CTNNA3: variants seen among roughly 807,000 people sequenced by gnomAD.
The protein encoded by CTNNA3 is catenin alpha-3.
Under a neutral mutation model 95.7 loss-of-function variants are expected in CTNNA3, and 76 were observed. The ratio of observed to expected loss-of-function variants is 0.79; its 90% CI spans 0.66 to 0.96. The LOEUF (loss-of-function observed/expected upper bound fraction) is 0.96. Ranked by LOEUF, CTNNA3 falls within the 40% of genes least tolerant of loss-of-function variation. The pLI is 0.00. For synonymous variants in CTNNA3, 431 were observed against 374.4 expected, an observed-to-expected ratio of 1.15 and a Z score of -1.74; for missense variants, 1,191 against 1,089.8, an observed-to-expected ratio of 1.09 and a Z score of -1.31.
At chr10:66,293,957 G>A (rs1431704295) in intron 12 of CTNNA3, among the ~76,000 whole-genome samples, 1 of 151,944 alleles carries the variant, frequency 6.6e-6, no homozygotes, top group Non-Finnish European at 1.5e-5. Context: ...TAGCCACCGT[G>A]CCCGGTCATC....
Position 67,010,444 on chromosome 10 carries a change from T to C in CTNNA3, c.1047+169873A>G, listed in dbSNP as rs117925055. On this transcript the variant is annotated intron_variant, in intron 7 of 17. Transcript: ENST00000433211. ...GTCACCTAATGTTGGATTGCTGACTTAATGATGCCTAATATCTCTCCAATT... is the reference window on the plus strand; with the variant it reads ...GTCACCTAATGTTGGATTGCTGACTCAATGATGCCTAATATCTCTCCAATT... Among the ~76,000 whole-genome samples, 10 of 152,366 alleles carry C rather than the reference T, an allele frequency of 6.6e-5. No homozygotes were observed. The East Asian group carries it at 1.9e-3, about 29-fold the overall frequency.
intron 9 of CTNNA3, among the ~76,000 whole-genome samples, chr10:66,722,841 A>T (rs1291544755): frequency 6.6e-6 from 1 of 152,030 alleles, no homozygotes; most frequent in African/African-American, 2.4e-5. Flanking sequence ...GGGCGGGGGA[A>T]GTGTGGCTCT....
At position 66,461,398 on chromosome 10, in the gene CTNNA3, G is replaced by A. The variant is rs148221187; in HGVS notation, c.1531+59219C>T. Among the ~76,000 whole-genome samples, 95 of 152,186 alleles carry A rather than the reference G, an allele frequency of 6.2e-4. 1 individual carries two copies. Among genetic ancestry groups the A allele is most frequent in the African/African-American group, 2.1e-3 (86 of 41,540 alleles). ...TTTTAAAACAGTTCATTTATTCATA[G>A]CTATTATAAATTGCATAATAAAAAG... On this transcript the variant is annotated intron_variant, in intron 11 of 17. Coordinates refer to ENST00000433211, the MANE Select transcript of CTNNA3 (RefSeq NM_013266.4).
At chr10:66,082,516 T>G (rs2080804526) in intron 14 of CTNNA3, among the ~76,000 whole-genome samples, 1 of 152,122 alleles carries the variant, frequency 6.6e-6, no homozygotes, top group Non-Finnish European at 1.5e-5. Context: ...TGTTGAATCC[T>G]AGAACAGAAA....
At chr10:66,463,889 T>TTTA (rs1185372979) in intron 11 of CTNNA3, among the ~76,000 whole-genome samples, 1 of 151,110 alleles carries the variant, frequency 6.6e-6, no homozygotes, top group Non-Finnish European at 1.5e-5. Context: ...CTTTCCAATT[T>TTTA]TTTTTTTTTT....
chr10:66,736,225 G>A (rs1198235926), intron 9 of CTNNA3, among the ~76,000 whole-genome samples: 5 of 151,596 alleles, frequency 3.3e-5, no homozygotes, highest in African/African-American at 1.2e-4. Context: ...TCGCCCTGTC[G>A]CCCAGGCTGG....
chr10:66,381,114 G>A (rs1168528750), intron 11 of CTNNA3, among the ~76,000 whole-genome samples: 1 of 152,278 alleles, frequency 6.6e-6, no homozygotes, highest in East Asian at 1.9e-4. Context: ...TATGGTCCCT[G>A]TTAACCTTCT....
chr10:66,874,041 C>T (rs1844516412), intron 7 of CTNNA3, among the ~76,000 whole-genome samples: 3 of 152,000 alleles, frequency 2.0e-5, no homozygotes, highest in Non-Finnish European at 2.9e-5. Flanking sequence ...CAGTGAGGGA[C>T]GTTTGGGTGG....
chr10:66,001,320 C>T (rs1387527258), intron 15 of CTNNA3, among the ~76,000 whole-genome samples: 2 of 152,086 alleles, frequency 1.3e-5, no homozygotes, highest in South Asian at 4.1e-4. Flanking sequence ...CTCAGCCATT[C>T]CATGTGCCAT....
At chr10:67,070,380 T>C (rs536460228) in intron 7 of CTNNA3, among the ~76,000 whole-genome samples, 4 of 152,336 alleles carry the variant, frequency 2.6e-5, no homozygotes, top group African/African-American at 9.6e-5. Flanking sequence ...TATGTTTTGA[T>C]GAACAAAAGT....
At chr10:65,997,570 G>T (rs898420719) in intron 15 of CTNNA3, among the ~76,000 whole-genome samples, 3 of 152,118 alleles carry the variant, frequency 2.0e-5, no homozygotes, top group South Asian at 4.1e-4. Context: ...GAGAAAGAAA[G>T]AAATTGTCCT....
At chr10:67,391,683 C>G (rs1464091873) in intron 5 of CTNNA3, among the ~76,000 whole-genome samples, 2 of 149,470 alleles carry the variant, frequency 1.3e-5, no homozygotes, top group Non-Finnish European at 3.0e-5. Context: ...ACCAAAACAG[C>G]ATGGTACTGG....
chr10:67,150,707 T>G (rs1196088584), intron 7 of CTNNA3, among the ~76,000 whole-genome samples: 1 of 152,136 alleles, frequency 6.6e-6, no homozygotes, highest in Non-Finnish European at 1.5e-5. Context: ...CTTGTGAGAG[T>G]TTACTAGCCC....
chr10:67,325,733 T>C (rs1388440376), intron 5 of CTNNA3, among the ~76,000 whole-genome samples: 1 of 152,086 alleles, frequency 6.6e-6, no homozygotes, highest in Non-Finnish European at 1.5e-5. Context: ...GAGTTCTGTA[T>C]ATATTTAGCA....
In CTNNA3 at chr10:66,865,672, A is replaced by G. The variant is rs546493433; in HGVS notation, c.1048-90148T>C. On this transcript the variant is annotated intron_variant, in intron 7 of 17. Coordinates refer to ENST00000433211, the MANE Select transcript of CTNNA3 (RefSeq NM_013266.4). The stretch of plus-strand genomic sequence containing the variant: ...AAAATCACAGAAGATGTATTCACAC[A>G]AGATATTTCCTTTTTCATTTTCAGC... 7.9e-5 allele frequency among the ~76,000 whole-genome samples: 12 copies of G among 152,236 alleles called. No individual in the cohort carries two copies. The South Asian group carries it at 2.3e-3, about 29-fold the overall frequency.
chr10:66,185,610 GTCT>G (rs1338646674), intron 13 of CTNNA3, among the ~76,000 whole-genome samples: 1 of 151,924 alleles, frequency 6.6e-6, no homozygotes, highest in Admixed American at 6.6e-5. Context: ...CGCAAAATTT[GTCT>G]AAAATGTTAC....
chr10:66,566,197 C>G (rs1228545587), intron 10 of CTNNA3, among the ~76,000 whole-genome samples: 4 of 152,026 alleles, frequency 2.6e-5, no homozygotes, highest in Non-Finnish European at 5.9e-5. Flanking sequence ...AGTATTCTCT[C>G]CAAGAGATAA....
chr10:66,055,990 C>T (rs113509201), intron 15 of CTNNA3, among the ~76,000 whole-genome samples: 76 of 144,382 alleles, frequency 5.3e-4, no homozygotes, highest in African/African-American at 1.9e-3. Flanking sequence ...TGACTCATTT[C>T]TTTTCAATTT....
chr10:67,393,969 C>T (rs1004319659), intron 5 of CTNNA3, among the ~76,000 whole-genome samples: 5 of 152,100 alleles, frequency 3.3e-5, no homozygotes, highest in African/African-American at 1.2e-4. Context: ...ATTTAGGTAA[C>T]TTCATCAGGC....
Sources: allele counts gnomAD v4.1 joint callset (sites outside exome capture counted in the v4.1 genomes callset), GRCh38; gene constraint gnomAD v4.1.1; transcripts MANE v1.5; gene names NCBI Gene and HGNC (gene_info 2026-07-23, HGNC 2026-07-21).